Variants in DNAH12 observed in about 807,000 individuals in gnomAD.
DNAH12 encodes the protein dynein axonemal heavy chain 12, also known as axonemal beta dynein heavy chain 12.
A neutral mutation model predicts 371.5 loss-of-function variants in DNAH12; 285 were observed. The observed-to-expected ratio is 0.77, with a 90% CI of 0.70 to 0.85. The LOEUF (loss-of-function observed/expected upper bound fraction) is 0.85. DNAH12 is among the 40% of genes least tolerant of loss of function. The probability of loss-of-function intolerance (pLI) is 0.00; values close to 1 mark genes in which losing one functional copy is unlikely to be tolerated. For synonymous variants in DNAH12, 1,200 were observed against 1,213.0 expected, an observed-to-expected ratio of 0.99 and a Z score of 0.22; for missense variants, 3,611 against 3,689.4, an observed-to-expected ratio of 0.98 and a Z score of 0.55.
chr3:57,541,664 TTCTG>T (rs1170005621), intron 2 of DNAH12, among the ~76,000 whole-genome samples: 1 of 152,018 alleles, frequency 6.6e-6, no homozygotes, highest in Non-Finnish European at 1.5e-5. Context: ...TTTTTTTTTT[TTCTG>T]TCTAAGTCTT....
intron 37 of DNAH12, among the ~76,000 whole-genome samples, chr3:57,416,773 A>G (rs2064388624): frequency 6.6e-6 from 1 of 152,176 alleles, no homozygotes; most frequent in South Asian, 2.1e-4. Flanking sequence ...GGAATTCCCC[A>G]TTCAGTGAAT....
chr3:57,403,342 G>A lies in DNAH12; in HGVS notation c.6915C>T (p.Ser2305=), dbSNP rs1553679709. The change falls in exon 43 of 74, where the codon AGC becomes AGT. Residue 2305 remains serine, a synonymous_variant. Transcript: ENST00000495027. ...CCTCTCTCCATTCATTCATACCATA[G>A]CTCTTAGAAATTTCTGGTTGGAAAA... ...MHIFQPEISK[S]YGMNEWREDM... 4 of 1,550,618 alleles carry A rather than the reference G, an allele frequency of 2.6e-6. No individual in the cohort carries two copies. Among genetic ancestry groups the A allele is most frequent in the Non-Finnish European group, 2.6e-6 (3 of 1,146,554 alleles).
intron 50 of DNAH12, among the ~76,000 whole-genome samples, 180 bp downstream of exon 50, chr3:57,382,082 G>T (rs1374370976): frequency 6.6e-6 from 1 of 151,990 alleles, no homozygotes; most frequent in Non-Finnish European, 1.5e-5. Flanking sequence ...TAGCCAGACT[G>T]GTCTGGAACC....
intron 29 of DNAH12, among the ~76,000 whole-genome samples, chr3:57,439,161 TATCAAGCTACCAAGATTA>T (rs2153368278): frequency 6.6e-6 from 1 of 152,212 alleles, no homozygotes; most frequent in East Asian, 1.9e-4. Flanking sequence ...ATGCTACTCC[TATCAAGCTACCAAGATTA>T]CTTTTCACAG....
intron 60 of DNAH12, among the ~76,000 whole-genome samples, chr3:57,346,559 G>C (rs1281833615): frequency 6.6e-6 from 1 of 151,752 alleles, no homozygotes; most frequent in Non-Finnish European, 1.5e-5. Context: ...CAGAACAAGG[G>C]CAATGAATAG....
rs1352177230 is a variant in DNAH12 at position 57,419,531 on chromosome 3, A to G, written c.5563-13T>C. 18 of 1,422,492 alleles carry G rather than the reference A, an allele frequency of 1.3e-5. No homozygotes were observed. Among genetic ancestry groups the G allele is most frequent in the African/African-American group, 3.0e-5 (2 of 67,028 alleles). 88.1% of individuals were successfully genotyped at this position (1,422,492 alleles called of 1,614,324 possible). ...CTTTGTTTTTCAACTACAAGAAAAT[A>G]TAAGTTTTAAAATATTAAAACCATG... On this transcript the variant is annotated splice_polypyrimidine_tract_variant and intron_variant, in intron 36 of 73. Coordinates refer to ENST00000495027, the MANE Select transcript of DNAH12 (RefSeq NM_001366028.2).
chr3:57,309,614 C>T, intron 68 of DNAH12, 52 bp downstream of exon 68: 1 of 1,370,802 alleles, frequency 7.3e-7, no homozygotes, highest in Non-Finnish European at 9.5e-7. Flanking sequence ...ATTGTCATTT[C>T]AGTATCATTT....
At chr3:57,313,850 C>T (rs571879) in intron 66 of DNAH12, among the ~76,000 whole-genome samples, 50,367 of 151,998 alleles carry the variant, frequency 0.33, 10,459 homozygotes, top group East Asian at 0.92. Flanking sequence ...AATGTGGTCA[C>T]GACAGCAGAG....
intron 59 of DNAH12, among the ~76,000 whole-genome samples, 165 bp from the exon 60 acceptor site, chr3:57,352,390 A>T (rs1159202747): frequency 2.6e-5 from 4 of 152,162 alleles, no homozygotes; most frequent in Non-Finnish European, 5.9e-5. Context: ...AATAAGCTCT[A>T]TGGGTTGTAG....
chr3:57,521,370 T>C (rs879277107), intron 4 of DNAH12, among the ~76,000 whole-genome samples: 2 of 151,966 alleles, frequency 1.3e-5, no homozygotes, highest in East Asian at 1.9e-4. Context: ...TTTTCGCAAC[T>C]TAGTCAAAAA....
chr3:57,372,028 T>C (rs1208068689), intron 55 of DNAH12, among the ~76,000 whole-genome samples: 2 of 140,862 alleles, frequency 1.4e-5, no homozygotes, highest in Non-Finnish European at 3.0e-5. Context: ...TACAGAAATA[T>C]AGTTAAGTAG....
Position 57,296,956 on chromosome 3 carries a change from A to C in DNAH12, c.11423T>G (p.Val3808Gly). 1 of 1,551,678 alleles carries C rather than the reference A, an allele frequency of 6.4e-7. No homozygotes were observed. Among genetic ancestry groups the C allele is most frequent in the Non-Finnish European group, 8.7e-7 (1 of 1,146,986 alleles). Reference sequence around the variant, plus strand: ...GAAAAAGAAACCTGACAGCCAAAACACACAAGGTTTTCCTGAATTATACCA... The same window carrying C: ...GAAAAAGAAACCTGACAGCCAAAACCCACAAGGTTTTCCTGAATTATACCA... ...QDWYNSGKPCVFWLSGFFFTQ... is the reference protein window; with the variant it reads ...QDWYNSGKPCGFWLSGFFFTQ... Residue 3808 changes from valine (V) to glycine (G), a missense_variant, in exon 71 of 74, where the codon GTG (valine) becomes GGG (glycine). This residue lies in a region of DNAH12 where 2,266 missense variants were observed against 2,236.9 expected (regional missense o/e 1.01). Coordinates refer to ENST00000495027, the MANE Select transcript of DNAH12 (RefSeq NM_001366028.2).
rs372450084 is a variant in DNAH12, at chr3:57,510,931, G to C, written c.328C>G (p.Pro110Ala). The part of the protein sequence containing the change: ...KQCVESSPLV[P>A]IQQEWLDHML... Reference sequence around the variant, plus strand: ...TGATCCAGCCATTCCTGCTGAATAGGTACTAAAGGACTACTTTCTACACAT... The same window carrying C: ...TGATCCAGCCATTCCTGCTGAATAGCTACTAAAGGACTACTTTCTACACAT... Residue 110 changes from proline (P) to alanine (A), a missense_variant, in exon 5 of 74, where the codon CCT becomes GCT. Around this residue, in one of 3 missense-constraint regions of DNAH12, gnomAD observed 1,314 missense variants for 1,398.7 expected, o/e 0.94. Transcript: ENST00000495027. The C allele has an allele frequency of 4.3e-6, 7 of 1,612,390 alleles. No homozygotes were observed. In the African/African-American group the frequency reaches 9.4e-5, roughly 22 times the overall value.
intron 56 of DNAH12, among the ~76,000 whole-genome samples, chr3:57,367,784 T>C (rs1462127840): frequency 6.6e-6 from 1 of 152,140 alleles, no homozygotes; most frequent in Non-Finnish European, 1.5e-5. Flanking sequence ...AATTTCAAGC[T>C]GGCTTCAACT....
At chr3:57,489,714 A>G in intron 11 of DNAH12, 27 bp from the exon 12 acceptor site, 2 of 1,480,782 alleles carry the variant, frequency 1.4e-6, no homozygotes, top group Non-Finnish European at 1.8e-6. Context: ...CAAATGAAAA[A>G]AAAAATGTTT....
chr3:57,406,422 C>T (rs1222131900), intron 40 of DNAH12, among the ~76,000 whole-genome samples: 1 of 151,082 alleles, frequency 6.6e-6, no homozygotes, highest in Non-Finnish European at 1.5e-5. Flanking sequence ...CTAAGCTTAG[C>T]ATGGCATATA....
At chr3:57,380,926 T>G (rs946775812) in intron 50 of DNAH12, among the ~76,000 whole-genome samples, 27 of 152,354 alleles carry the variant, frequency 1.8e-4, no homozygotes, top group African/African-American at 6.0e-4. Context: ...TTATTTCTTT[T>G]GAAAACTTAA....
intron 29 of DNAH12, among the ~76,000 whole-genome samples, chr3:57,438,332 CAAAA>C (rs2065194317): frequency 1.1e-5 from 1 of 88,072 alleles, no homozygotes; most frequent in African/African-American, 3.7e-5. Flanking sequence ...AACAAACAAA[CAAAA>C]ACAAAACAAA....
At chr3:57,470,744 AT>A in intron 15 of DNAH12, 108 bp from the exon 16 acceptor site, 1 of 1,015,470 alleles carries the variant, frequency 9.8e-7, no homozygotes, top group Non-Finnish European at 1.4e-6. Context: ...CAACAAGTTT[AT>A]TTTTAGGCTG....
Sources: gnomAD v4.1 joint callset for allele counts (sites outside exome capture counted in the v4.1 genomes callset) on GRCh38, gnomAD v4.1.1 for gene constraint, gnomAD v4.1.1 regional missense constraint, MANE v1.5 for transcripts, NCBI Gene and HGNC (gene_info 2026-07-23, HGNC 2026-07-21) for gene names.